Variants in THSD4 observed in about 807,000 individuals in gnomAD.
THSD4 encodes thrombospondin type 1 domain containing 4.
THSD4 carries 69 observed loss-of-function variants against 119.0 expected under a neutral mutation model. The ratio of observed to expected loss-of-function variants is 0.58; its 90% confidence interval spans 0.48 to 0.71. The LOEUF (loss-of-function observed/expected upper bound fraction) is 0.71, where lower values mean the gene tolerates loss of function less well. Among genes scored for constraint, THSD4 ranks in the 30% least tolerant of loss-of-function variants. The pLI, the probability that THSD4 is intolerant of heterozygous loss-of-function variation, is 0.00. For synonymous variants in THSD4, 524 were observed against 540.4 expected, an observed-to-expected ratio of 0.97 and a Z score of 0.42; for missense variants, 1,393 against 1,391.1, an observed-to-expected ratio of 1.00 and a Z score of -0.02.
chr15:71,372,597 A>G (rs1417214875), intron 6 of THSD4, among the ~76,000 whole-genome samples: 2 of 152,252 alleles, frequency 1.3e-5, no homozygotes, highest in East Asian at 3.8e-4. Flanking sequence ...AACAGCAAAT[A>G]TTGCTGAACA....
intron 6 of THSD4, among the ~76,000 whole-genome samples, chr15:71,301,716 G>T (rs573790060): frequency 6.6e-6 from 1 of 152,272 alleles, no homozygotes; most frequent in South Asian, 2.1e-4. Context: ...GCTACCTGGA[G>T]ACCTCCTCCG....
At chr15:71,631,518 G>A (rs971507582) in intron 7 of THSD4, among the ~76,000 whole-genome samples, 11 of 152,214 alleles carry the variant, frequency 7.2e-5, no homozygotes, top group African/African-American at 2.7e-4. Context: ...TTCTTCTGGG[G>A]TAGCTGGAAG....
intron 7 of THSD4, among the ~76,000 whole-genome samples, chr15:71,459,101 T>A (rs1305724789): frequency 7.2e-5 from 11 of 152,026 alleles, no homozygotes; most frequent in African/African-American, 2.7e-4. Context: ...CATGAATTCC[T>A]AACTTCACCC....
At chr15:71,323,266 G>C (rs2045296288) in intron 6 of THSD4, among the ~76,000 whole-genome samples, 3 of 152,102 alleles carry the variant, frequency 2.0e-5, no homozygotes, top group Admixed American at 2.0e-4. Context: ...CCAATCGCAG[G>C]GGGCCATTTC....
intron 14 of THSD4, among the ~76,000 whole-genome samples, chr15:71,755,192 CA>C (rs917101703): frequency 6.6e-6 from 1 of 152,180 alleles, no homozygotes; most frequent in African/African-American, 2.4e-5. Flanking sequence ...CATGCCAAAG[CA>C]ACATATTTTG....
At position 71,677,637 on chromosome 15, in the gene THSD4, C is replaced by T. The variant is rs547502354; in HGVS notation, c.1357+16903C>T. On this transcript the variant is annotated intron_variant, in intron 8 of 17. Transcript: ENST00000261862. Reference sequence around the variant, plus strand: ...TGAAAAGCTTTCAGATATGCTGGAACGAAAGGAAATCAACTCTGCCCCACC... The same window carrying T: ...TGAAAAGCTTTCAGATATGCTGGAATGAAAGGAAATCAACTCTGCCCCACC... Among the ~76,000 whole-genome samples, 67 of 152,236 alleles carry T rather than the reference C, an allele frequency of 4.4e-4. 3 individuals carry two copies. The South Asian group carries it at 0.011, about 26-fold the overall frequency.
At chr15:71,467,681 G>T (rs2047518809) in intron 7 of THSD4, among the ~76,000 whole-genome samples, 1 of 152,096 alleles carries the variant, frequency 6.6e-6, no homozygotes, top group Non-Finnish European at 1.5e-5. Context: ...CAGGAGAAAG[G>T]TGATATGGTT....
chr15:71,357,186 G>C (rs796845957), intron 6 of THSD4, among the ~76,000 whole-genome samples: 3 of 152,314 alleles, frequency 2.0e-5, no homozygotes, highest in African/African-American at 7.2e-5. Flanking sequence ...TTCTTGCCTT[G>C]CATCCTAGCT....
intron 8 of THSD4, among the ~76,000 whole-genome samples, chr15:71,698,314 C>G (rs1001225440): frequency 6.6e-6 from 1 of 151,952 alleles, no homozygotes; most frequent in Non-Finnish European, 1.5e-5. Flanking sequence ...TTAGAGTGGC[C>G]GTTATCAAAC....
intron 8 of THSD4, among the ~76,000 whole-genome samples, chr15:71,671,646 GAATT>G (rs960802817): frequency 2.0e-5 from 3 of 152,144 alleles, no homozygotes; most frequent in Admixed American, 6.5e-5. Flanking sequence ...AATCCATCTT[GAATT>G]AATTTTTGTA....
chr15:71,547,442 C>T (rs1467368936), intron 7 of THSD4: 2 of 1,550,216 alleles, frequency 1.3e-6, no homozygotes, highest in Non-Finnish European at 1.7e-6. Flanking sequence ...TAACATTGCT[C>T]CACGTTCAAA....
At position 71,204,081 on chromosome 15, in the gene THSD4, G is replaced by T. The variant is rs116547683; in HGVS notation, c.100-10954G>T. On this transcript the variant is annotated intron_variant, in intron 3 of 17. Transcript: ENST00000261862. ...AGCCACTTGCCGTGGAGAGCATGAG[G>T]CTATCACAAAAACCACACCAGGCAC... 6.8e-3 allele frequency among the ~76,000 whole-genome samples: 1,031 copies of T among 152,258 alleles called. 13 individuals are homozygous for T. The highest frequency in any genetic ancestry group is 0.024 in the African/African-American group (984 of 41,538).
At chr15:71,172,705 A>G (rs1437500779) in intron 3 of THSD4, among the ~76,000 whole-genome samples, 1 of 108,970 alleles carries the variant, frequency 9.2e-6, no homozygotes, top group Non-Finnish European at 1.8e-5. Context: ...ATATATATAT[A>G]TATATATATA....
intron 6 of THSD4, among the ~76,000 whole-genome samples, chr15:71,258,662 A>G (rs762108514): frequency 6.6e-6 from 1 of 152,206 alleles, no homozygotes; most frequent in Non-Finnish European, 1.5e-5. Flanking sequence ...GACAAAGTGT[A>G]ATACTCACTT....
intron 7 of THSD4, among the ~76,000 whole-genome samples, chr15:71,602,594 C>T (rs532600964): frequency 1.7e-3 from 161 of 95,198 alleles, no homozygotes; most frequent in African/African-American, 5.1e-3. Flanking sequence ...AAAAGAAAAA[C>T]AGTCTCTATC....
At chr15:71,376,040 G>T (rs1227735770) in intron 6 of THSD4, among the ~76,000 whole-genome samples, 2 of 152,202 alleles carry the variant, frequency 1.3e-5, no homozygotes, top group African/African-American at 4.8e-5. Flanking sequence ...AATAGAGTTT[G>T]TCTCCTGCTA....
chr15:71,496,911 C>T (rs973430493), intron 7 of THSD4, among the ~76,000 whole-genome samples: 7 of 152,098 alleles, frequency 4.6e-5, no homozygotes, highest in African/African-American at 7.2e-5. Context: ...TGAGATCAAC[C>T]GCTCCAGGAG....
intron 7 of THSD4, among the ~76,000 whole-genome samples, chr15:71,530,948 G>A (rs550930186): frequency 3.3e-5 from 5 of 151,956 alleles, no homozygotes; most frequent in Non-Finnish European, 7.4e-5. Context: ...TGGGGGGCGG[G>A]GGCATTGACG....
rs761093998 is a variant in THSD4, at chr15:71,242,637, A to C, written c.465-12A>C. 18 of 1,609,262 alleles carry C rather than the reference A, an allele frequency of 1.1e-5. No homozygotes were observed. The highest frequency in any genetic ancestry group is 3.4e-6 in the Non-Finnish European group (4 of 1,176,500). Reference sequence around the variant, plus strand: ...ACTCTGATCATCTCCTCTCTTGTCTATCTCTCTTTAGGAGCAGGACCCGTG... The same window carrying C: ...ACTCTGATCATCTCCTCTCTTGTCTCTCTCTCTTTAGGAGCAGGACCCGTG... On this transcript the variant is annotated splice_polypyrimidine_tract_variant and intron_variant, in intron 4 of 17. Coordinates refer to ENST00000261862, the MANE Select transcript of THSD4 (RefSeq NM_024817.3).
Sources: gnomAD v4.1 joint callset for allele counts (sites outside exome capture counted in the v4.1 genomes callset) on GRCh38, gnomAD v4.1.1 for gene constraint, MANE v1.5 for transcripts, NCBI Gene and HGNC (gene_info 2026-07-23, HGNC 2026-07-21) for gene names.